Variants in MALRD1 observed in about 807,000 individuals in gnomAD.
MALRD1 encodes MAM and LDL receptor class A domain containing 1, also known as MAM and LDL-receptor class A domain-containing protein 1.
Under a neutral mutation model 242.1 loss-of-function variants are expected in MALRD1, and 247 were observed. The observed-to-expected ratio is 1.02, with a 90% confidence interval of 0.92 to 1.13. The LOEUF (loss-of-function observed/expected upper bound fraction) is 1.13. Ranked by LOEUF, MALRD1 falls within the 50% of genes most tolerant of loss-of-function variation. The probability of loss-of-function intolerance (pLI) is 0.00; values close to 1 mark genes in which losing one functional copy is unlikely to be tolerated. For missense variants in MALRD1, 2,989 were observed against 2,533.1 expected (o/e 1.18, Z -3.86); for synonymous variants, 995 against 866.6 (o/e 1.15, Z -2.60).
chr10:19,615,619 G>A (rs79018126), intron 35 of MALRD1, among the ~76,000 whole-genome samples: 1 of 151,058 alleles, frequency 6.6e-6, no homozygotes, highest in African/African-American at 2.4e-5. Context: ...AAAGTCTTCT[G>A]TTTTTGCGGA....
chr10:19,324,644 T>C (rs1263599851), intron 22 of MALRD1, among the ~76,000 whole-genome samples: 1 of 150,474 alleles, frequency 6.6e-6, no homozygotes, highest in Non-Finnish European at 1.5e-5. Flanking sequence ...ATGTCCCCTA[T>C]AGAAAAAAAA....
At chr10:19,434,780 G>A (rs1834282267) in intron 28 of MALRD1, among the ~76,000 whole-genome samples, 1 of 151,740 alleles carries the variant, frequency 6.6e-6, no homozygotes, top group Non-Finnish European at 1.5e-5. Flanking sequence ...AGTGATTAGG[G>A]CCACACATGT....
chr10:19,289,226 T>TAAAGGTAGAAGTGGC (rs1388848345), intron 21 of MALRD1, among the ~76,000 whole-genome samples: 1 of 152,120 alleles, frequency 6.6e-6, no homozygotes, highest in African/African-American at 2.4e-5. Context: ...ATATAAGTGG[T>TAAAGGTAGAAGTGGC]AAAGGTAGAA....
chr10:19,339,129 G>T (rs1843728978), intron 24 of MALRD1, among the ~76,000 whole-genome samples: 2 of 151,876 alleles, frequency 1.3e-5, no homozygotes, highest in Admixed American at 6.6e-5. Context: ...ACAGTCTGCA[G>T]CTCTACACTT....
intron 36 of MALRD1, among the ~76,000 whole-genome samples, chr10:19,657,257 A>G (rs975887601): frequency 3.3e-5 from 5 of 152,160 alleles, no homozygotes; most frequent in African/African-American, 7.2e-5. Flanking sequence ...TGGCCTTTAC[A>G]CTAATTGAAT....
chr10:19,308,472 A>G (rs566955528), intron 21 of MALRD1, among the ~76,000 whole-genome samples: 6 of 151,612 alleles, frequency 4.0e-5, no homozygotes, highest in Non-Finnish European at 7.4e-5. Flanking sequence ...AGATTAGCAG[A>G]AGTGGACAGA....
intron 1 of MALRD1, among the ~76,000 whole-genome samples, chr10:19,056,424 T>C (rs7918167): frequency 0.026 from 3,991 of 152,228 alleles, 166 homozygotes; most frequent in African/African-American, 0.09. Flanking sequence ...TAAATTTATA[T>C]CTAAGTATTA....
At chr10:19,299,891 T>TA (rs1345321835) in intron 21 of MALRD1, among the ~76,000 whole-genome samples, 1 of 151,494 alleles carries the variant, frequency 6.6e-6, no homozygotes, top group Non-Finnish European at 1.5e-5. Flanking sequence ...GAGAAACAAA[T>TA]AAAAAAGGCA....
intron 14 of MALRD1, among the ~76,000 whole-genome samples, chr10:19,192,815 A>G (rs983659217): frequency 6.6e-6 from 1 of 152,214 alleles, no homozygotes; most frequent in East Asian, 1.9e-4. Flanking sequence ...TAGAAAACAA[A>G]TGCACTGGCA....
intron 33 of MALRD1, among the ~76,000 whole-genome samples, chr10:19,583,866 G>C (rs1453982835): frequency 6.6e-6 from 1 of 151,942 alleles, no homozygotes. Context: ...GACTCTTTTT[G>C]GTTGGTAAGC....
At chr10:19,426,399 C>A (rs945387152) in intron 28 of MALRD1, among the ~76,000 whole-genome samples, 1 of 152,130 alleles carries the variant, frequency 6.6e-6, no homozygotes, top group Admixed American at 6.5e-5. Context: ...ATGGAAAATA[C>A]CTGCAGAAAG....
chr10:19,067,271 A>G (rs999692526), intron 2 of MALRD1, among the ~76,000 whole-genome samples: 8 of 152,250 alleles, frequency 5.3e-5, no homozygotes, highest in African/African-American at 1.9e-4. Flanking sequence ...CACTTGTTTA[A>G]TCAAGTTGAC....
chr10:19,327,700 G>A, intron 23 of MALRD1, 27 bp downstream of exon 23: 3 of 1,492,922 alleles, frequency 2.0e-6, no homozygotes, highest in Non-Finnish European at 2.7e-6. Flanking sequence ...GTTATGGGGT[G>A]AGTGAGTTCT....
intron 36 of MALRD1, among the ~76,000 whole-genome samples, chr10:19,643,697 C>T (rs968511323): frequency 6.6e-5 from 10 of 152,130 alleles, no homozygotes; most frequent in African/African-American, 2.4e-4. Flanking sequence ...TATTAGTATA[C>T]AGTATCAAGT....
chr10:19,347,658 A>G, intron 24 of MALRD1, 113 bp from the exon 25 acceptor site: 1 of 1,242,690 alleles, frequency 8.0e-7, no homozygotes, highest in Non-Finnish European at 1.1e-6. Flanking sequence ...GGATAGCATT[A>G]TGAAGGTTTC....
chr10:19,165,101 G>A (rs564520564), intron 12 of MALRD1, among the ~76,000 whole-genome samples: 1 of 151,538 alleles, frequency 6.6e-6, no homozygotes, highest in East Asian at 1.9e-4. Flanking sequence ...GAGTCTCAAT[G>A]TGTACCTCTC....
At chr10:19,222,556 C>A (rs1323285675) in intron 18 of MALRD1, among the ~76,000 whole-genome samples, 3 of 152,092 alleles carry the variant, frequency 2.0e-5, no homozygotes, top group South Asian at 2.1e-4. Context: ...AATAACTATA[C>A]CATCAAATAC....
chr10:19,539,987 C>CCCA (rs1226467253), intron 32 of MALRD1, among the ~76,000 whole-genome samples: 2 of 151,744 alleles, frequency 1.3e-5, no homozygotes, highest in Non-Finnish European at 2.9e-5. Context: ...AAGTGATCTG[C>CCCA]CCACCTCGGC....
intron 19 of MALRD1, among the ~76,000 whole-genome samples, chr10:19,276,699 G>A (rs748699363): frequency 7.2e-5 from 11 of 151,774 alleles, no homozygotes; most frequent in East Asian, 1.9e-4. Flanking sequence ...CGTTGGATCC[G>A]TCAGATTTCT....
Sources: allele counts gnomAD v4.1 joint callset (sites outside exome capture counted in the v4.1 genomes callset), GRCh38; gene constraint gnomAD v4.1.1; transcripts MANE v1.5; gene names NCBI Gene and HGNC (gene_info 2026-07-23, HGNC 2026-07-21).